Variants in LYRM4 observed in about 807,000 individuals in gnomAD.
The protein encoded by LYRM4 is LYR motif containing 4.
Under a neutral mutation model 11.7 loss-of-function variants are expected in LYRM4, and 9 were observed. The ratio of observed to expected loss-of-function variants is 0.77; its 90% CI spans 0.46 to 1.34. LYRM4 has a LOEUF of 1.34. LYRM4 is among the 40% of genes most tolerant of loss of function. The probability of loss-of-function intolerance (pLI) is 0.00; values close to 1 mark genes in which losing one functional copy is unlikely to be tolerated. For missense variants in LYRM4, 133 were observed against 112.5 expected, an observed-to-expected ratio of 1.18 and a Z score of -0.82; for synonymous variants, 42 against 40.4, an observed-to-expected ratio of 1.04 and a Z score of -0.15.
chr6:5,044,191 C>G, the LYRM4 span, among the ~76,000 whole-genome samples: 1 of 151,908 alleles, frequency 6.6e-6, no homozygotes, highest in African/African-American at 2.4e-5. Flanking sequence ...TGCAGTGGTA[C>G]GATCTTGGCT....
At chr6:5,034,769 T>TTTTTTTTTTTTTTTTTTTTTG in the LYRM4 span, 1 of 12,990 alleles carries the variant, frequency 7.7e-5, no homozygotes, top group African/African-American at 1.5e-4. Flanking sequence ...TTTTTTTTTT[T>TTTTTTTTTTTTTTTTTTTTTG]TCAAAAAGCG....
intron 1 of LYRM4, among the ~76,000 whole-genome samples, chr6:5,256,632 G>C (rs1764693087): frequency 6.6e-6 from 1 of 150,700 alleles, no homozygotes; most frequent in African/African-American, 2.4e-5. Context: ...AACAGAGAGT[G>C]ATGTGACTTG....
rs1338181312 is a variant in LYRM4 at position 5,260,633 on chromosome 6, T to C, written c.86+15A>G. On this transcript the variant is annotated intron_variant, in intron 1 of 2. Transcript: ENST00000330636. ...CTGGCCCCCCGCCCCCGGCCCCCGG[T>C]GCCCGCTGGGTCACCTGTAATTGTA... 1.1e-5 allele frequency: 9 copies of C among 845,232 alleles called. No individual in the cohort carries two copies. In the South Asian group the frequency reaches 1.2e-4, roughly 11 times the overall value. 52.4% of individuals were successfully genotyped at this position (845,232 alleles called of 1,614,324 possible).
rs112581214 is a variant in LYRM4, at chr6:5,258,279, G to A, written c.86+2369C>T. ...TTATTTCACTACTCTAATTACTTAA[G>A]GCACAATTCGCAGGTCATTAAAAAA... On this transcript the variant is annotated intron_variant, in intron 1 of 2. Coordinates refer to ENST00000330636, the MANE Select transcript of LYRM4 (RefSeq NM_020408.6). Among the ~76,000 whole-genome samples the A allele has an allele frequency of 4.4e-3, 665 of 152,252 alleles. 3 individuals are homozygous for A. Among genetic ancestry groups the A allele is most frequent in the African/African-American group, 0.015 (638 of 41,544 alleles).
intron 1 of LYRM4, among the ~76,000 whole-genome samples, chr6:5,255,809 A>AC (rs1764638588): frequency 6.6e-6 from 1 of 151,902 alleles, no homozygotes. Context: ...GATGCCTAGC[A>AC]CCCCCTTTCC....
chr6:5,216,748 T>G lies in LYRM4; in HGVS notation c.87-10A>C. On this transcript the variant is annotated splice_polypyrimidine_tract_variant and intron_variant, in intron 1 of 2. Transcript: ENST00000330636. ...CCTGACAGCATATGTTCTAAATGAA[T>G]TCAGAGGAAAAAAAAGAAAAGGTGT... is the stretch of plus-strand genomic sequence containing the variant. 1 of 1,606,916 alleles carries G rather than the reference T, an allele frequency of 6.2e-7. No homozygotes were observed. Among genetic ancestry groups the G allele is most frequent in the Non-Finnish European group, 8.5e-7 (1 of 1,178,888 alleles).
chr6:5,247,810 T>C (rs1327605119), intron 1 of LYRM4, among the ~76,000 whole-genome samples: 1 of 152,166 alleles, frequency 6.6e-6, no homozygotes, highest in Non-Finnish European at 1.5e-5. Context: ...AAAAAAAAAT[T>C]ACTCTGAGAG....
chr6:5,130,060 A>T (rs1442269181), intron 2 of LYRM4, among the ~76,000 whole-genome samples: 2 of 152,240 alleles, frequency 1.3e-5, no homozygotes, highest in African/African-American at 2.4e-5. Context: ...ATTAAATCTG[A>T]AATCTTTTTC....
intron 2 of LYRM4, chr6:5,136,456 C>T (rs1280229845): frequency 1.0e-6 from 1 of 968,454 alleles, no homozygotes; most frequent in Non-Finnish European, 1.2e-6. Context: ...AACACCTGCT[C>T]TGCCAATCAC....
At chr6:5,049,092 G>A in the LYRM4 span, among the ~76,000 whole-genome samples, 1 of 152,136 alleles carries the variant, frequency 6.6e-6, no homozygotes. Context: ...GATGGCAGTG[G>A]AAGGACAAGC....
chr6:5,260,931 G>T lies in LYRM4; in HGVS notation c.-198C>A. The T allele has an allele frequency of 7.4e-7, 1 of 1,353,454 alleles. No homozygotes were observed. The highest frequency in any genetic ancestry group is 9.5e-7 in the Non-Finnish European group (1 of 1,057,292). 83.8% of individuals were successfully genotyped at this position (1,353,454 alleles called of 1,614,324 possible). A position where few individuals can be genotyped will look rare whatever the true frequency, so the allele number is the denominator to read the frequency against. ...GCCAGGCGTCCCGCGCCGCTTCGGG[G>T]GCGGGCGCAGGCAGGGCTCGGGGCA... On this transcript the variant is annotated 5_prime_UTR_variant, in exon 1 of 3. Transcript: ENST00000330636.
downstream of LYRM4, chr6:5,107,733 T>G (rs901689038): frequency 1.3e-5 from 2 of 152,162 alleles, no homozygotes; most frequent in Non-Finnish European, 2.9e-5. Context: ...GCTCAGGACT[T>G]TATCCTGAAA....
chr6:5,108,445 T>A lies in LYRM4; in HGVS notation c.*978A>T. ...AAAAGCATACAAACAATATCTTTATTACCTGTAATATACTTAAAGAGCAGG... is the reference window on the plus strand; with the variant it reads ...AAAAGCATACAAACAATATCTTTATAACCTGTAATATACTTAAAGAGCAGG... On this transcript the variant is annotated 3_prime_UTR_variant, in exon 3 of 3. Coordinates refer to ENST00000330636, the MANE Select transcript of LYRM4 (RefSeq NM_020408.6). 1 of 976,822 alleles carries A rather than the reference T, an allele frequency of 1.0e-6. No homozygotes were observed. The highest frequency in any genetic ancestry group is 1.2e-6 in the Non-Finnish European group (1 of 821,918). 60.5% of individuals were successfully genotyped at this position (976,822 alleles called of 1,614,324 possible).
At chr6:5,232,387 T>C (rs576054117) in intron 1 of LYRM4, among the ~76,000 whole-genome samples, 1 of 152,356 alleles carries the variant, frequency 6.6e-6, no homozygotes, top group African/African-American at 2.4e-5. Flanking sequence ...TGCCAATTTC[T>C]GGACACTTAC....
intron 1 of LYRM4, 50 bp downstream of exon 1, chr6:5,260,598 T>TGCCCCGGCCCCGGGGCCCCC: frequency 9.0e-7 from 1 of 1,105,568 alleles, no homozygotes; most frequent in Non-Finnish European, 1.3e-6. Context: ...GCACCCCCGG[T>TGCCCCGGCCCCGGGGCCCCC]CCCCGGCCCC....
chr6:5,103,736 A>G (rs1166687337), downstream of LYRM4: 1 of 150,210 alleles, frequency 6.7e-6, no homozygotes, highest in Non-Finnish European at 1.5e-5. Flanking sequence ...TCTGGCTTCA[A>G]GCAATTCTCT....
intron 1 of LYRM4, among the ~76,000 whole-genome samples, chr6:5,247,045 T>C (rs1000638017): frequency 1.3e-5 from 2 of 152,044 alleles, no homozygotes; most frequent in African/African-American, 4.8e-5. Context: ...CTAATCCGGG[T>C]GCTGAGACTG....
chr6:5,160,408 T>C (rs374133614), intron 2 of LYRM4, among the ~76,000 whole-genome samples: 1 of 152,008 alleles, frequency 6.6e-6, no homozygotes, highest in African/African-American at 2.4e-5. Context: ...TTCCCACGTG[T>C]GGTGGGAGGG....
At chr6:5,064,341 A>G in the LYRM4 span, among the ~76,000 whole-genome samples, 1 of 152,134 alleles carries the variant, frequency 6.6e-6, no homozygotes, top group Admixed American at 6.5e-5. Flanking sequence ...TCATCTTTTA[A>G]ATTTTATTTT....
Sources: allele counts gnomAD v4.1 joint callset (sites outside exome capture counted in the v4.1 genomes callset), GRCh38; gene constraint gnomAD v4.1.1; transcripts MANE v1.5; gene names NCBI Gene and HGNC (gene_info 2026-07-23, HGNC 2026-07-21).